Variants in CARD14 observed in about 807,000 individuals in gnomAD.
CARD14 encodes the protein caspase recruitment domain family member 14.
Under a neutral mutation model 111.5 loss-of-function variants are expected in CARD14, and 107 were observed. The observed-to-expected ratio is 0.96, with a 90% CI of 0.82 to 1.13. The LOEUF (loss-of-function observed/expected upper bound fraction) is 1.13. Among genes scored for constraint, CARD14 ranks in the 50% most tolerant of loss-of-function variants. The pLI is 0.00. For synonymous variants in CARD14, 617 were observed against 579.6 expected, an observed-to-expected ratio of 1.06 and a Z score of -0.93; for missense variants, 1,322 against 1,362.3, an observed-to-expected ratio of 0.97 and a Z score of 0.47.
chr17:80,206,267 C>A (rs1427218246), intron 22 of CARD14, among the ~76,000 whole-genome samples: 1 of 134,050 alleles, frequency 7.5e-6, no homozygotes, highest in Admixed American at 7.5e-5. Flanking sequence ...GAGTTCAAGA[C>A]CAGCCTGAGC....
In CARD14 at chr17:80,176,694, G is replaced by A. The variant is rs573784662; in HGVS notation, c.-366-1814G>A. The stretch of plus-strand genomic sequence containing the variant: ...GGGCCCTGGGCTGACTTTATTGCTC[G>A]CTATTGCTGCCTTGAAATTCTGAAT... On this transcript the variant is annotated intron_variant, in intron 2 of 23. Transcript: ENST00000648509. Among the ~76,000 whole-genome samples, 12 of 152,268 alleles carry A rather than the reference G, an allele frequency of 7.9e-5. No individual in the cohort carries two copies. In the South Asian group the frequency reaches 1.7e-3, roughly 21 times the overall value.
intron 20 of CARD14, 188 bp downstream of exon 20, chr17:80,204,529 C>A (rs2041170310): frequency 3.8e-6 from 2 of 527,068 alleles, no homozygotes; most frequent in Non-Finnish European, 6.5e-6. Flanking sequence ...GAGGCTGAGG[C>A]AGGAGAATCG....
Position 80,203,753 on chromosome 17 carries a change from C to A in CARD14, c.2220-69C>A. On this transcript the variant is annotated intron_variant, in intron 18 of 23. Coordinates refer to ENST00000648509, the MANE Select transcript of CARD14 (RefSeq NM_001366385.1). This position sits in a 1 kb window ranked among gnomAD's most constrained non-coding sequence, Gnocchi z 4.6. ...CGGCCATCTCCCCCACTCTCCCCTGCTCGGCTCTCCCCTGCCCTGCTCACC... is the reference window on the plus strand; with the variant it reads ...CGGCCATCTCCCCCACTCTCCCCTGATCGGCTCTCCCCTGCCCTGCTCACC... The A allele has an allele frequency of 1.6e-6, 2 of 1,271,954 alleles. No individual in the cohort carries two copies. The highest frequency in any genetic ancestry group is 2.2e-6 in the Non-Finnish European group (2 of 902,750). 78.8% of individuals were successfully genotyped at this position (1,271,954 alleles called of 1,614,324 possible). A position where few individuals can be genotyped will look rare whatever the true frequency, so the allele number is the denominator to read the frequency against.
chr17:80,181,522 C>A lies in CARD14; in HGVS notation c.84C>A (p.His28Gln). 1 of 1,588,966 alleles carries A rather than the reference C, an allele frequency of 6.3e-7. No homozygotes were observed. Among genetic ancestry groups the A allele is most frequent in the Non-Finnish European group, 8.6e-7 (1 of 1,168,052 alleles). Reference sequence around the variant, plus strand: ...GGGAGATGATGGAGAGCCACCGCCACAGGATCGTACGCTGCATCTGCCCCA... The same window carrying A: ...GGGAGATGATGGAGAGCCACCGCCAAAGGATCGTACGCTGCATCTGCCCCA... ...TLWEMMESHR[H>Q]RIVRCICPSR... is the part of the protein sequence containing the mutation. The change falls in exon 5 of 24, where the codon CAC becomes CAA. Residue 28 changes from histidine (H) to glutamine (Q), a missense_variant. His to Gln is a conservative substitution (Grantham distance 24, BLOSUM62 0). Transcript: ENST00000648509.
Position 80,198,512 on chromosome 17 carries a change from C to T in CARD14, c.1772C>T (p.Thr591Met), listed in dbSNP as rs200102454. 390 of 1,613,238 alleles carry T rather than the reference C, an allele frequency of 2.4e-4. No individual in the cohort carries two copies. The highest frequency in any genetic ancestry group is 1.8e-3 in the Admixed American group (107 of 60,030). Residue 591 changes from threonine (T) to methionine (M), a missense_variant, in exon 16 of 24, where the codon ACG becomes ATG. Transcript: ENST00000648509. This position sits in a 1 kb window ranked among gnomAD's most constrained non-coding sequence, Gnocchi z 7.5. ...ATCAGCGTCATCGGCGGGAACCTCA[C>T]GGGCATCTTCATCCACCGGGTCACC... is the stretch of plus-strand genomic sequence containing the variant. ...EQISVIGGNL[T>M]GIFIHRVTPG...
chr17:80,207,628 C>T (rs8078181), intron 23 of CARD14: 11,699 of 157,178 alleles, frequency 0.074, 690 homozygotes, highest in African/African-American at 0.16. Context: ...CTGGCCTCTC[C>T]AGAATCTTGA....
intron 7 of CARD14, 106 bp downstream of exon 7, chr17:80,184,344 T>A: frequency 2.0e-6 from 2 of 1,004,052 alleles, no homozygotes; most frequent in Non-Finnish European, 2.8e-6. Context: ...CTTCCTTGTC[T>A]AACACTTCCC....
chr17:80,203,713 C>G lies in CARD14; in HGVS notation c.2220-109C>G. The G allele has an allele frequency of 2.8e-6, 2 of 721,364 alleles. No individual in the cohort carries two copies. Among genetic ancestry groups the G allele is most frequent in the Admixed American group, 5.6e-5 (2 of 35,700 alleles). 44.7% of individuals were successfully genotyped at this position (721,364 alleles called of 1,614,324 possible). A position where few individuals can be genotyped will look rare whatever the true frequency, so the allele number is the denominator to read the frequency against. On this transcript the variant is annotated intron_variant, in intron 18 of 23. Transcript: ENST00000648509. The surrounding 1 kb of genome is among the most constrained non-coding windows in gnomAD (Gnocchi z 4.6). Reference sequence around the variant, plus strand: ...GGATGTGTGGAGCTCTAGGTGGAGGCCCTTCTCTCCCACCCGGCCATCTCC... The same window carrying G: ...GGATGTGTGGAGCTCTAGGTGGAGGGCCTTCTCTCCCACCCGGCCATCTCC...
chr17:80,200,104 G>A (rs1378556364), intron 16 of CARD14, among the ~76,000 whole-genome samples: 1 of 151,816 alleles, frequency 6.6e-6, no homozygotes, highest in Non-Finnish European at 1.5e-5. Context: ...ACCCCTCACT[G>A]CCCCCTTGGA....
At chr17:80,205,283 C>G in intron 21 of CARD14, 78 bp downstream of exon 21, 1 of 1,316,462 alleles carries the variant, frequency 7.6e-7, no homozygotes. Flanking sequence ...TCCTTCCTCC[C>G]CTTCCTCCCT....
intron 11 of CARD14, among the ~76,000 whole-genome samples, 165 bp downstream of exon 11, chr17:80,191,637 G>A (rs1277421993): frequency 6.6e-6 from 1 of 152,238 alleles, no homozygotes; most frequent in African/African-American, 2.4e-5. Context: ...TCACTGTGAT[G>A]AGCGACACAC....
chr17:80,177,581 G>A (rs1176766650), intron 2 of CARD14, among the ~76,000 whole-genome samples: 1 of 152,168 alleles, frequency 6.6e-6, no homozygotes, highest in African/African-American at 2.4e-5. Context: ...TGTGATCCCA[G>A]ATACTCAGAA....
In CARD14 at chr17:80,201,208, CCTAAG is replaced by C. The variant is rs1192125642; in HGVS notation, c.1852-533_1852-529del. The stretch of plus-strand genomic sequence containing the variant: ...TTTTTATTGTAAAAATATCTACTCT[CCTAAG>C]CTTAGAACAATATTGAGAAGAAATG... On this transcript the variant is annotated intron_variant, in intron 16 of 23. Transcript: ENST00000648509. This position sits in a 1 kb window ranked among gnomAD's most constrained non-coding sequence, Gnocchi z 5.0. 1 of 156,988 alleles carries C rather than the reference CCTAAG, an allele frequency of 6.4e-6. No homozygotes were observed. Among genetic ancestry groups the C allele is most frequent in the Admixed American group, 6.1e-5 (1 of 16,522 alleles). The allele number at this position is 156,988 out of a possible 1,614,324, so 9.7% of individuals were successfully genotyped here.
chr17:80,181,702 G>A (rs2040182731), intron 5 of CARD14, 53 bp downstream of exon 5: 2 of 1,466,170 alleles, frequency 1.4e-6, no homozygotes, highest in South Asian at 1.3e-5. Context: ...GGCCCACATG[G>A]CTCCACTGTC....
At chr17:80,173,316 A>ACG (rs1171643645) in intron 2 of CARD14, 88 bp downstream of exon 2, 7 of 112,046 alleles carry the variant, frequency 6.2e-5, no homozygotes, top group African/African-American at 2.0e-4. Context: ...ACACACACAC[A>ACG]CACACACACG....
chr17:80,199,123 T>C (rs928046328), intron 16 of CARD14, among the ~76,000 whole-genome samples: 1 of 152,074 alleles, frequency 6.6e-6, no homozygotes, highest in African/African-American at 2.4e-5. Flanking sequence ...CCCGGCTAAT[T>C]TGGGGACATT....
intron 11 of CARD14, 158 bp from the exon 12 acceptor site, chr17:80,192,345 G>A: frequency 1.6e-6 from 1 of 615,196 alleles, no homozygotes; most frequent in Non-Finnish European, 2.9e-6. Flanking sequence ...TCCTGTGATG[G>A]GCTCGGAGGA....
Position 80,205,217 on chromosome 17 carries a change from C to A in CARD14, c.2569+12C>A, listed in dbSNP as rs1489444276. The A allele has an allele frequency of 1.2e-6, 2 of 1,604,124 alleles. No individual in the cohort carries two copies. The highest frequency in any genetic ancestry group is 1.7e-6 in the Non-Finnish European group (2 of 1,173,726). On this transcript the variant is annotated intron_variant, in intron 21 of 23. Coordinates refer to ENST00000648509, the MANE Select transcript of CARD14 (RefSeq NM_001366385.1). ...GAAGTGCCTGGCAGGTATGCTGTTG[C>A]CTGGGAATCCCTCTACCCCTTCCAC...
Position 80,208,133 on chromosome 17 carries a change from T to C in CARD14, c.2808-5T>C. 2 of 1,529,896 alleles carry C rather than the reference T, an allele frequency of 1.3e-6. No homozygotes were observed. Among genetic ancestry groups the C allele is most frequent in the Non-Finnish European group, 1.8e-6 (2 of 1,133,040 alleles). 94.8% of individuals were successfully genotyped at this position (1,529,896 alleles called of 1,614,324 possible). A position where few individuals can be genotyped will look rare whatever the true frequency, so the allele number is the denominator to read the frequency against. ...GCCCGCCCCCCCCAACTCTGGCCTG[T>C]GCAGGAAGGGCCTACAGCGGTTGGG... On this transcript the variant is annotated splice_polypyrimidine_tract_variant and splice_region_variant and intron_variant, in intron 23 of 23. Coordinates refer to ENST00000648509, the MANE Select transcript of CARD14 (RefSeq NM_001366385.1).
Sources: gnomAD v4.1 joint callset for allele counts (sites outside exome capture counted in the v4.1 genomes callset) on GRCh38, gnomAD v4.1.1 for gene constraint, Gnocchi (gnomAD v3.1) non-coding constraint, MANE v1.5 for transcripts, NCBI Gene and HGNC (gene_info 2026-07-23, HGNC 2026-07-21) for gene names.